Variants in ZNF438 observed in about 807,000 individuals in gnomAD.
ZNF438 encodes the protein zinc finger protein 438.
In ZNF438, 25 loss-of-function variants were observed where a neutral mutation model predicts 38.0. That is an observed-to-expected ratio of 0.66 (90% CI 0.48 to 0.92). The LOEUF (loss-of-function observed/expected upper bound fraction) is 0.92, where lower values mean the gene tolerates loss of function less well. Among genes scored for constraint, ZNF438 ranks in the 40% least tolerant of loss-of-function variants. The pLI, the probability that ZNF438 is intolerant of heterozygous loss-of-function variation, is 0.00. For missense variants in ZNF438, 1,007 were observed against 999.6 expected, an observed-to-expected ratio of 1.01 and a Z score of -0.10; for synonymous variants, 372 against 364.1, an observed-to-expected ratio of 1.02 and a Z score of -0.25.
At chr10:30,980,986 C>T (rs1375194362) in intron 1 of ZNF438, among the ~76,000 whole-genome samples, 1 of 152,208 alleles carries the variant, frequency 6.6e-6, no homozygotes, top group Non-Finnish European at 1.5e-5. Context: ...CTACATTTCA[C>T]CTGTCAGCTG....
exon 6 of ZNF438, chr10:30,845,501 A>C (rs1336959758): frequency 2.5e-6 from 4 of 1,613,978 alleles, no homozygotes; most frequent in Non-Finnish European, 3.4e-6. Context: ...GACAACGACC[A>C]CATTTGATTT....
chr10:30,848,374 A>T (rs2032779797), intron 5 of ZNF438, among the ~76,000 whole-genome samples, 157 bp downstream of exon 6: 1 of 152,204 alleles, frequency 6.6e-6, no homozygotes, highest in African/African-American at 2.4e-5. Flanking sequence ...GAGAAACAAG[A>T]TCATTCTTCA....
intron 3 of ZNF438, among the ~76,000 whole-genome samples, chr10:30,899,758 A>G (rs2041772556): frequency 6.6e-6 from 1 of 152,062 alleles, no homozygotes; most frequent in African/African-American, 2.4e-5. Context: ...TTTGGCATGT[A>G]TATACTTACA....
chr10:30,849,839 A>C (rs1564481162), exon 5 of ZNF438: 5 of 1,614,142 alleles, frequency 3.1e-6, no homozygotes, highest in Non-Finnish European at 4.2e-6. Context: ...AGCTGTGCTA[A>C]TGCTGGCTGG....
intron 2 of ZNF438, among the ~76,000 whole-genome samples, chr10:30,930,383 G>A (rs1252663274): frequency 2.6e-5 from 4 of 152,092 alleles, no homozygotes; most frequent in African/African-American, 4.8e-5. Context: ...ACTGGCCTGC[G>A]AGTGCAGTGC....
chr10:30,855,210 C>A (rs2132954060), intron 4 of ZNF438, among the ~76,000 whole-genome samples: 1 of 152,344 alleles, frequency 6.6e-6, no homozygotes, highest in South Asian at 2.1e-4. Flanking sequence ...CAACAGGACA[C>A]TCCTGAGCTC....
exon 6 of ZNF438, chr10:30,845,312 C>T (rs1041395562): frequency 6.2e-7 from 1 of 1,614,104 alleles, no homozygotes; most frequent in East Asian, 2.2e-5. Context: ...AGGAATGAAC[C>T]TTCTCCGGCT....
At chr10:31,031,131 G>A (rs1302708846) in intron 1 of ZNF438, among the ~76,000 whole-genome samples, 3 of 152,172 alleles carry the variant, frequency 2.0e-5, no homozygotes, top group Admixed American at 1.3e-4. Flanking sequence ...GTTGTCGGGG[G>A]GAGGCAAAAC....
At chr10:31,029,717 A>G (rs377307489) in intron 1 of ZNF438, among the ~76,000 whole-genome samples, 10 of 152,182 alleles carry the variant, frequency 6.6e-5, no homozygotes, top group East Asian at 5.8e-4. Flanking sequence ...AAACCTTCCA[A>G]TGGTTTTCCA....
intron 4 of ZNF438, among the ~76,000 whole-genome samples, chr10:30,866,912 G>A (rs2036537874): frequency 6.6e-6 from 1 of 152,064 alleles, no homozygotes; most frequent in African/African-American, 2.4e-5. Flanking sequence ...GAAGTATATG[G>A]AAGATTTGCT....
intron 4 of ZNF438, among the ~76,000 whole-genome samples, chr10:30,855,363 T>C (rs74133697): frequency 0.014 from 2,110 of 152,252 alleles, 47 homozygotes; most frequent in African/African-American, 0.048. Context: ...GATGCTGGGG[T>C]TGAAAGTCTT....
chr10:30,876,572 C>G (rs187616982), intron 4 of ZNF438, among the ~76,000 whole-genome samples: 1 of 152,148 alleles, frequency 6.6e-6, no homozygotes, highest in Non-Finnish European at 1.5e-5. Flanking sequence ...AATGTATACA[C>G]AAATTCTATA....
At chr10:30,930,721 A>T (rs576275279) in intron 2 of ZNF438, among the ~76,000 whole-genome samples, 2 of 148,732 alleles carry the variant, frequency 1.3e-5, no homozygotes, top group South Asian at 4.3e-4. Context: ...GCAGGCGAAA[A>T]GCTTGAATCC....
At chr10:30,861,378 T>C (rs1047359420) in intron 4 of ZNF438, among the ~76,000 whole-genome samples, 1 of 152,194 alleles carries the variant, frequency 6.6e-6, no homozygotes, top group African/African-American at 2.4e-5. Context: ...CTCTGGTTAG[T>C]TGAATCCATG....
At chr10:30,880,322 T>C (rs988842151) in intron 3 of ZNF438, among the ~76,000 whole-genome samples, 2 of 150,404 alleles carry the variant, frequency 1.3e-5, no homozygotes, top group Non-Finnish European at 3.0e-5. Flanking sequence ...TTCCAGGTAC[T>C]CGGGAGGCTG....
intron 1 of ZNF438, among the ~76,000 whole-genome samples, chr10:30,965,931 G>A (rs1052036001): frequency 6.6e-6 from 1 of 152,134 alleles, no homozygotes; most frequent in African/African-American, 2.4e-5. Flanking sequence ...AAGTTGAAAT[G>A]ATTTTTAAAA....
chr10:30,987,097 CA>C (rs986489987), intron 1 of ZNF438, among the ~76,000 whole-genome samples: 4 of 152,036 alleles, frequency 2.6e-5, no homozygotes, highest in African/African-American at 4.8e-5. Context: ...ACTGAATCCA[CA>C]AAAGATGTGA....
At chr10:30,868,037 T>C (rs1190476166) in intron 4 of ZNF438, among the ~76,000 whole-genome samples, 1 of 151,936 alleles carries the variant, frequency 6.6e-6, no homozygotes, top group East Asian at 1.9e-4. Flanking sequence ...TGGTAGTATA[T>C]AATCTTTTCA....
At chr10:30,950,518 A>G (rs2048042779) in intron 1 of ZNF438, among the ~76,000 whole-genome samples, 2 of 151,944 alleles carry the variant, frequency 1.3e-5, no homozygotes, top group Middle Eastern at 3.2e-3. Flanking sequence ...TAATAAAGAA[A>G]AAAAGAGAGA....
Sources: allele counts gnomAD v4.1 joint callset (sites outside exome capture counted in the v4.1 genomes callset), GRCh38; gene constraint gnomAD v4.1.1; transcripts MANE v1.5; gene names NCBI Gene and HGNC (gene_info 2026-07-23, HGNC 2026-07-21).